Variants in KCNN2 observed in about 807,000 individuals in gnomAD.
KCNN2 encodes the protein small conductance calcium-activated potassium channel protein 2.
KCNN2 carries 24 observed loss-of-function variants against 55.5 expected under a neutral mutation model. The ratio of observed to expected loss-of-function variants is 0.43; its 90% CI spans 0.31 to 0.61. The LOEUF is 0.61. KCNN2 is among the 20% of genes least tolerant of loss of function. KCNN2 has a pLI of 0.08. For synonymous variants in KCNN2, 431 were observed against 336.1 expected, an observed-to-expected ratio of 1.28 and a Z score of -3.09; for missense variants, 754 against 853.6, an observed-to-expected ratio of 0.88 and a Z score of 1.45.
intron 1 of KCNN2, among the ~76,000 whole-genome samples, chr5:114,090,553 C>T (rs940179155): frequency 3.0e-5 from 4 of 133,368 alleles, no homozygotes; most frequent in Admixed American, 7.9e-5. Flanking sequence ...CTTCCTCTCT[C>T]TCTCTCTCTA....
chr5:114,413,660 G>A (rs777935983), intron 3 of KCNN2, among the ~76,000 whole-genome samples: 1 of 152,180 alleles, frequency 6.6e-6, no homozygotes, highest in Non-Finnish European at 1.5e-5. Flanking sequence ...TTGGCAAGGG[G>A]CTTTGAGATC....
intron 2 of KCNN2, among the ~76,000 whole-genome samples, chr5:114,225,407 A>G (rs1449148859): frequency 6.6e-6 from 1 of 152,212 alleles, no homozygotes; most frequent in African/African-American, 2.4e-5. Flanking sequence ...TTCTAAGCAC[A>G]TAGAACAGAA....
intron 2 of KCNN2, among the ~76,000 whole-genome samples, chr5:114,314,683 A>G (rs1223059466): frequency 6.6e-6 from 1 of 152,086 alleles, no homozygotes; most frequent in Non-Finnish European, 1.5e-5. Flanking sequence ...TTACCACCAA[A>G]AAGTTATTGT....
intron 1 of KCNN2, among the ~76,000 whole-genome samples, chr5:114,134,151 G>A (rs1001944435): frequency 2.0e-5 from 3 of 151,590 alleles, no homozygotes; most frequent in Admixed American, 1.3e-4. Context: ...GAAGCTCAGG[G>A]CTAAGGCCGG....
At chr5:114,431,840 G>A (rs925576908) in intron 3 of KCNN2, among the ~76,000 whole-genome samples, 4 of 152,080 alleles carry the variant, frequency 2.6e-5, no homozygotes, top group Admixed American at 6.6e-5. Context: ...TGGGACCCAT[G>A]TACTATTTCA....
chr5:114,441,938 A>T (rs987375283), intron 3 of KCNN2, among the ~76,000 whole-genome samples: 3 of 152,230 alleles, frequency 2.0e-5, no homozygotes, highest in African/African-American at 7.2e-5. Context: ...GCATGTTTTA[A>T]AACTTAACTG....
intron 1 of KCNN2, among the ~76,000 whole-genome samples, chr5:114,160,131 G>A (rs543193136): frequency 2.0e-4 from 31 of 152,120 alleles, no homozygotes; most frequent in Admixed American, 3.9e-4. Context: ...GCTTTCTCTC[G>A]TGGGCATTTA....
chr5:114,438,614 A>G (rs1760098040), intron 3 of KCNN2, among the ~76,000 whole-genome samples: 1 of 152,240 alleles, frequency 6.6e-6, no homozygotes, highest in Middle Eastern at 3.4e-3. Flanking sequence ...CAACAACAAC[A>G]AACAGTCTCT....
chr5:114,312,434 C>CACACACACATATATATATATAT (rs1561566604), intron 2 of KCNN2, among the ~76,000 whole-genome samples: 1 of 23,428 alleles, frequency 4.3e-5, no homozygotes, highest in African/African-American at 1.5e-4. Context: ...CACACACACA[C>CACACACACATATATATATATAT]ATATATATAT....
intron 2 of KCNN2, among the ~76,000 whole-genome samples, chr5:114,292,585 G>A (rs1755917651): frequency 6.6e-6 from 1 of 152,254 alleles, no homozygotes; most frequent in Non-Finnish European, 1.5e-5. Flanking sequence ...TGCTATTTTG[G>A]TTACTGTAGC....
At chr5:114,229,289 C>CT (rs944112634) in intron 2 of KCNN2, among the ~76,000 whole-genome samples, 279 of 148,996 alleles carry the variant, frequency 1.9e-3, no homozygotes, top group African/African-American at 6.2e-3. Context: ...AAGATCCCTG[C>CT]TTTTTTTTTT....
intron 2 of KCNN2, among the ~76,000 whole-genome samples, chr5:114,270,589 G>C (rs1365558592): frequency 1.3e-5 from 2 of 152,064 alleles, no homozygotes; most frequent in African/African-American, 4.8e-5. Flanking sequence ...AACACAATGG[G>C]AATCATTAAG....
Position 114,391,662 on chromosome 5 carries a change from T to C in KCNN2, c.1219-12776T>C, listed in dbSNP as rs191377214. On this transcript the variant is annotated intron_variant, in intron 2 of 7. Coordinates refer to ENST00000673685, the MANE Select transcript of KCNN2 (RefSeq NM_021614.4). ...TATTTGAGATGCATTTCTTCTGCAT[T>C]GTTGGCTGCTCTCTCCATAAAGTGT... Among the ~76,000 whole-genome samples, 3 of 152,344 alleles carry C rather than the reference T, an allele frequency of 2.0e-5. No individual in the cohort carries two copies. In the East Asian group the frequency reaches 5.8e-4, roughly 29 times the overall value.
intron 2 of KCNN2, among the ~76,000 whole-genome samples, chr5:114,264,572 C>A (rs1386638761): frequency 6.6e-6 from 1 of 152,134 alleles, no homozygotes; most frequent in Non-Finnish European, 1.5e-5. Context: ...TTGTCTGTCT[C>A]CATCATGGTC....
chr5:114,161,114 A>G (rs1329937473), intron 1 of KCNN2, among the ~76,000 whole-genome samples: 3 of 152,144 alleles, frequency 2.0e-5, no homozygotes, highest in Admixed American at 6.6e-5. Context: ...GGTTTTCACA[A>G]TTAGGCATGT....
chr5:114,239,736 T>A (rs893874471), intron 2 of KCNN2, among the ~76,000 whole-genome samples: 2 of 152,228 alleles, frequency 1.3e-5, no homozygotes, highest in Non-Finnish European at 2.9e-5. Flanking sequence ...AACAGTGGTT[T>A]CCCTGTGGGA....
chr5:114,407,794 C>T (rs1002612119), intron 3 of KCNN2, among the ~76,000 whole-genome samples: 2 of 152,218 alleles, frequency 1.3e-5, no homozygotes, highest in Non-Finnish European at 2.9e-5. Context: ...TCAACAGTTA[C>T]TATGCAAGCA....
Position 114,236,941 on chromosome 5 carries a change from G to C in KCNN2, c.-185+15376G>C, listed in dbSNP as rs138524823. Among the ~76,000 whole-genome samples the C allele has an allele frequency of 2.6e-5, 4 of 152,168 alleles. No homozygotes were observed. The East Asian group carries it at 5.8e-4, about 22-fold the overall frequency. On this transcript the variant is annotated intron_variant, in intron 2 of 10. Coordinates refer to the KCNN2 transcript ENST00000512097. ...TTTGCATGTTACTAGTTTATTCAATGTAACTTTCGGTAAAATATACCACAT... is the reference window on the plus strand; with the variant it reads ...TTTGCATGTTACTAGTTTATTCAATCTAACTTTCGGTAAAATATACCACAT...
At position 114,085,847 on chromosome 5, in the gene KCNN2, T is replaced by C. The variant is rs527504516; in HGVS notation, c.-271+29347T>C. On this transcript the variant is annotated intron_variant, in intron 1 of 10. Coordinates refer to the KCNN2 transcript ENST00000512097. Reference sequence around the variant, plus strand: ...TTGTTGAAACCTCTAGTAATAGTTATTATGTTATCCGTTCCTTTTTTAAGT... The same window carrying C: ...TTGTTGAAACCTCTAGTAATAGTTACTATGTTATCCGTTCCTTTTTTAAGT... 2.6e-5 allele frequency among the ~76,000 whole-genome samples: 4 copies of C among 152,230 alleles called. 1 individual carries two copies. Among genetic ancestry groups the C allele is most frequent in the Admixed American group, 6.5e-5 (1 of 15,276 alleles).
Sources: gnomAD v4.1 joint callset for allele counts (sites outside exome capture counted in the v4.1 genomes callset) on GRCh38, gnomAD v4.1.1 for gene constraint, MANE v1.5 for transcripts, NCBI Gene and HGNC (gene_info 2026-07-23, HGNC 2026-07-21) for gene names.